The following SLC9A7 variants were observed in gnomAD, a reference collection of about 807,000 sequenced individuals.
The protein encoded by SLC9A7 is solute carrier family 9 member A7.
In SLC9A7, 19 loss-of-function variants were observed where a neutral mutation model predicts 52.6. The observed-to-expected ratio is 0.36, with a 90% confidence interval of 0.25 to 0.53. SLC9A7 has a LOEUF of 0.53. Ranked by LOEUF, SLC9A7 falls within the 20% of genes least tolerant of loss-of-function variation. The probability of loss-of-function intolerance (pLI) is 0.91; values close to 1 mark genes in which losing one functional copy is unlikely to be tolerated. For synonymous variants in SLC9A7, 226 were observed against 252.1 expected (o/e 0.90, Z 0.98); for missense variants, 455 against 597.9 (o/e 0.76, Z 2.49).
At chrX:46,621,430 T>C (rs1021726958) in intron 14 of SLC9A7, among the ~76,000 whole-genome samples, 13 of 112,179 alleles carry the variant, frequency 1.2e-4, no homozygotes, top group Non-Finnish European at 1.9e-5. Context: ...TTTTAAAAGC[T>C]TTTTGTAAAA....
rs771659474 is a variant in SLC9A7, at chrX:46,682,547, G to GA, written c.326-13dup. 5.0e-6 allele frequency: 6 copies of GA among 1,195,076 alleles called. No homozygotes were observed. The South Asian group carries it at 1.1e-4, about 21-fold the overall frequency. On this transcript the variant is annotated splice_polypyrimidine_tract_variant and intron_variant, in intron 1 of 16. Coordinates refer to ENST00000616978, the MANE Select transcript of SLC9A7 (RefSeq NM_001257291.2). ...CCCAACGATGAGCCCTGAAAGAGTG[G>GA]AAAAAAACTCATCAGGCCTGAGGAA... is the stretch of plus-strand genomic sequence containing the variant.
chrX:46,717,600 G>A (rs112980518), intron 1 of SLC9A7, among the ~76,000 whole-genome samples: 2,244 of 111,204 alleles, frequency 0.02, 50 homozygotes, highest in African/African-American at 0.069. Context: ...GGCTGGTCTC[G>A]AACTCCTAAC....
intron 1 of SLC9A7, among the ~76,000 whole-genome samples, chrX:46,733,982 C>T (rs1380992536): frequency 8.9e-6 from 1 of 112,200 alleles, no homozygotes; most frequent in Non-Finnish European, 1.9e-5. Context: ...CAAGATTCCA[C>T]TTTATGCTAT....
rs1174854742 is a variant in SLC9A7 at position 46,601,567 on chromosome X, C to G, written c.*5385G>C. ...CATTTTCGGGTCTAGAGAACACAGC[C>G]TGAAGAGATCCTTGCTGTTTGCTTG... On this transcript the variant is annotated 3_prime_UTR_variant, in exon 17 of 17. Coordinates refer to ENST00000616978, the MANE Select transcript of SLC9A7 (RefSeq NM_001257291.2). 8.9e-6 allele frequency: 1 copy of G among 112,641 alleles called. No homozygotes were observed. The highest frequency in any genetic ancestry group is 1.9e-5 in the Non-Finnish European group (1 of 53,313). The allele number at this position is 112,641 out of a possible 1,213,427, so 9.3% of individuals were successfully genotyped here.
intron 4 of SLC9A7, 80 bp downstream of exon 4, chrX:46,672,471 T>C: frequency 1.4e-6 from 1 of 728,348 alleles, no homozygotes; most frequent in Non-Finnish European, 2.1e-6. Flanking sequence ...AATATCAAAA[T>C]ACTGGACTCT....
intron 5 of SLC9A7, among the ~76,000 whole-genome samples, chrX:46,668,728 T>C (rs1393184676): frequency 9.0e-6 from 1 of 111,697 alleles, no homozygotes; most frequent in Admixed American, 9.5e-5. Context: ...AAGTCAAAGG[T>C]AGCTGCCAGG....
In SLC9A7 at chrX:46,621,012, T is replaced by C. The variant is rs763184913; in HGVS notation, c.1788A>G (p.Ala596=). Residue 596 remains alanine, a synonymous_variant, in exon 15 of 17, where the codon GCA becomes GCG. Transcript: ENST00000616978. Reference sequence around the variant, plus strand: ...AGCTGTACCACAGCCTGAATATCCATGCGCTCTCCTGTTTTGTCCGGTTTC... The same window carrying C: ...AGCTGTACCACAGCCTGAATATCCACGCGCTCTCCTGTTTTGTCCGGTTTC... ...ARGNRTKQES[A]WIFRLWYSFD... 1.1e-5 allele frequency: 13 copies of C among 1,207,146 alleles called. No individual in the cohort carries two copies. In the South Asian group the frequency reaches 1.2e-4, roughly 12 times the overall value.
chrX:46,738,441 C>T (rs1313327631), intron 1 of SLC9A7, among the ~76,000 whole-genome samples: 1 of 112,087 alleles, frequency 8.9e-6, no homozygotes, highest in African/African-American at 3.2e-5. Context: ...CAAGAACTGC[C>T]TGAATTATAG....
intron 1 of SLC9A7, among the ~76,000 whole-genome samples, chrX:46,738,389 A>G (rs900946982): frequency 8.9e-6 from 1 of 112,410 alleles, no homozygotes; most frequent in Non-Finnish European, 1.9e-5. Flanking sequence ...TCCTGTGGAA[A>G]TGTCCTCTTT....
intron 7 of SLC9A7, among the ~76,000 whole-genome samples, chrX:46,656,890 C>T (rs1227618179): frequency 5.5e-4 from 50 of 91,604 alleles, no homozygotes; most frequent in Admixed American, 1.4e-3. Context: ...AGATACTCCT[C>T]GAGAAGAGCA....
At chrX:46,636,452 C>T (rs1398941248) in intron 12 of SLC9A7, among the ~76,000 whole-genome samples, 1 of 110,390 alleles carries the variant, frequency 9.1e-6, no homozygotes, top group African/African-American at 3.3e-5. Context: ...CAACCCCACC[C>T]ACCAAGAAGC....
At chrX:46,726,865 T>C (rs1282295821) in intron 1 of SLC9A7, among the ~76,000 whole-genome samples, 3 of 111,044 alleles carry the variant, frequency 2.7e-5, no homozygotes, top group African/African-American at 9.8e-5. Context: ...ATTTTGCTGA[T>C]GAAAAAAACA....
In SLC9A7 at chrX:46,603,184, C is replaced by T. The variant is rs1390694020; in HGVS notation, c.*3768G>A. On this transcript the variant is annotated 3_prime_UTR_variant, in exon 17 of 17. Coordinates refer to ENST00000616978, the MANE Select transcript of SLC9A7 (RefSeq NM_001257291.2). ...CCCTGGGTAGGACTTCTGGGTGGGC[C>T]TCCTGCCCTATACAAACCATCCCCA... 2.7e-5 allele frequency: 3 copies of T among 110,942 alleles called. No individual in the cohort carries two copies. The highest frequency in any genetic ancestry group is 9.8e-5 in the African/African-American group (3 of 30,483). 9.1% of individuals were successfully genotyped at this position (110,942 alleles called of 1,213,427 possible).
chrX:46,733,381 T>C (rs1440806655), intron 1 of SLC9A7, among the ~76,000 whole-genome samples: 1 of 111,433 alleles, frequency 9.0e-6, no homozygotes. Flanking sequence ...GTCTTTTAGG[T>C]AAAAGGAAAT....
intron 1 of SLC9A7, among the ~76,000 whole-genome samples, chrX:46,746,822 T>C (rs1262264453): frequency 8.9e-6 from 1 of 112,298 alleles, no homozygotes. Context: ...ATCAATATAA[T>C]AAAGAAACAT....
At chrX:46,742,748 A>C (rs1015415963) in intron 1 of SLC9A7, among the ~76,000 whole-genome samples, 4 of 112,272 alleles carry the variant, frequency 3.6e-5, no homozygotes, top group African/African-American at 1.3e-4. Flanking sequence ...GATAATGTTA[A>C]AAATTAAATT....
chrX:46,653,780 A>C, intron 7 of SLC9A7, 66 bp from the exon 8 acceptor site: 6 of 844,799 alleles, frequency 7.1e-6, no homozygotes, highest in Non-Finnish European at 1.0e-5. Context: ...ACCATACTCC[A>C]CTAGCCCAGG....
intron 3 of SLC9A7, 33 bp from the exon 4 acceptor site, chrX:46,672,660 C>A: frequency 2.9e-6 from 3 of 1,047,242 alleles, no homozygotes; most frequent in Non-Finnish European, 4.0e-6. Context: ...ACCCAGGAAT[C>A]ACATTGTGAT....
At chrX:46,616,997 A>C (rs1051402381) in intron 15 of SLC9A7, among the ~76,000 whole-genome samples, 13 of 111,409 alleles carry the variant, frequency 1.2e-4, no homozygotes, top group African/African-American at 4.2e-4. Flanking sequence ...TTTTTCTTCC[A>C]TTATTTCTTT....
Sources: gnomAD v4.1 joint callset for allele counts (sites outside exome capture counted in the v4.1 genomes callset) on GRCh38, gnomAD v4.1.1 for gene constraint, MANE v1.5 for transcripts, NCBI Gene and HGNC (gene_info 2026-07-23, HGNC 2026-07-21) for gene names.